Variants in EPHA6 observed in about 807,000 individuals in gnomAD.
EPHA6 encodes the protein ephrin type-A receptor 6.
A neutral mutation model predicts 112.0 loss-of-function variants in EPHA6; 50 were observed. The ratio of observed to expected loss-of-function variants is 0.45; its 90% CI spans 0.36 to 0.56. The LOEUF is 0.56. Among genes scored for constraint, EPHA6 ranks in the 20% least tolerant of loss-of-function variants. The pLI, the probability that EPHA6 is intolerant of heterozygous loss-of-function variation, is 0.00. For missense variants in EPHA6, 1,280 were observed against 1,417.4 expected (o/e 0.90, Z 1.56); for synonymous variants, 529 against 490.7 (o/e 1.08, Z -1.03).
At chr3:97,324,763 C>T (rs1224473200) in intron 5 of EPHA6, among the ~76,000 whole-genome samples, 1 of 151,960 alleles carries the variant, frequency 6.6e-6, no homozygotes, top group African/African-American at 2.4e-5. Flanking sequence ...TGGTCTCAAA[C>T]TCCTGACCTC....
At chr3:96,987,307 A>G (rs1400980183) in intron 2 of EPHA6, 23 bp from the exon 3 acceptor site, 1 of 1,563,238 alleles carries the variant, frequency 6.4e-7, no homozygotes, top group Non-Finnish European at 8.7e-7. Flanking sequence ...AAATCACTTA[A>G]TTACTTTTTT....
intron 11 of EPHA6, among the ~76,000 whole-genome samples, chr3:97,588,562 A>G (rs1330928732): frequency 6.6e-6 from 1 of 152,196 alleles, no homozygotes; most frequent in Non-Finnish European, 1.5e-5. Flanking sequence ...CTTTTCTATG[A>G]GGAGTTTGTA....
chr3:97,460,848 A>G (rs1057110186), intron 7 of EPHA6, among the ~76,000 whole-genome samples: 9 of 151,980 alleles, frequency 5.9e-5, no homozygotes, highest in Non-Finnish European at 1.3e-4. Context: ...GGCTTCCTGT[A>G]CTCCCACATG....
intron 3 of EPHA6, among the ~76,000 whole-genome samples, chr3:97,105,884 A>G (rs2047552663): frequency 2.0e-5 from 3 of 152,118 alleles, no homozygotes; most frequent in Non-Finnish European, 2.9e-5. Flanking sequence ...GTTGAATTGT[A>G]CCTTTTACCA....
chr3:97,669,390 T>A (rs2030541066), intron 14 of EPHA6, among the ~76,000 whole-genome samples: 1 of 152,046 alleles, frequency 6.6e-6, no homozygotes, highest in African/African-American at 2.4e-5. Flanking sequence ...AAATAAGCTT[T>A]TTTGTCATGA....
intron 11 of EPHA6, among the ~76,000 whole-genome samples, chr3:97,555,096 A>G (rs1442409441): frequency 1.3e-5 from 2 of 149,332 alleles, no homozygotes; most frequent in African/African-American, 2.5e-5. Flanking sequence ...CCACCCCACA[A>G]CAGTCCCCAG....
chr3:96,842,074 T>C (rs1205962009), intron 1 of EPHA6, among the ~76,000 whole-genome samples: 2 of 152,096 alleles, frequency 1.3e-5, no homozygotes, highest in Non-Finnish European at 2.9e-5. Flanking sequence ...CTTCTTCAGA[T>C]TCCCTGGTGA....
At chr3:96,909,218 A>G (rs986729958) in intron 2 of EPHA6, among the ~76,000 whole-genome samples, 3 of 151,984 alleles carry the variant, frequency 2.0e-5, no homozygotes, top group African/African-American at 4.8e-5. Flanking sequence ...TTTAAACTAT[A>G]TACTAATTAG....
intron 14 of EPHA6, among the ~76,000 whole-genome samples, chr3:97,719,770 A>C (rs1345585754): frequency 6.6e-6 from 1 of 152,206 alleles, no homozygotes; most frequent in Non-Finnish European, 1.5e-5. Context: ...AGCAGATGTA[A>C]AGCAAACAAA....
intron 2 of EPHA6, among the ~76,000 whole-genome samples, chr3:96,943,917 G>A (rs1161794692): frequency 3.3e-5 from 5 of 152,142 alleles, no homozygotes; most frequent in Admixed American, 6.5e-5. Flanking sequence ...TGAAATGTAA[G>A]ATGAGTTTTG....
At chr3:97,275,489 G>A (rs1323812638) in intron 5 of EPHA6, among the ~76,000 whole-genome samples, 1 of 152,158 alleles carries the variant, frequency 6.6e-6, no homozygotes, top group Non-Finnish European at 1.5e-5. Context: ...ATAATGGGTT[G>A]TGGAGGGAGG....
intron 14 of EPHA6, among the ~76,000 whole-genome samples, chr3:97,645,615 T>C (rs1404053828): frequency 6.6e-6 from 1 of 151,504 alleles, no homozygotes; most frequent in East Asian, 1.9e-4. Flanking sequence ...TGTATACATA[T>C]GTAACTAACC....
chr3:97,527,959 T>C (rs1010536331), intron 10 of EPHA6, among the ~76,000 whole-genome samples: 1 of 152,086 alleles, frequency 6.6e-6, no homozygotes, highest in African/African-American at 2.4e-5. Context: ...CCCTCAGCTA[T>C]CACAGAAGCC....
At chr3:96,961,791 G>C (rs940632028) in intron 2 of EPHA6, among the ~76,000 whole-genome samples, 1 of 152,140 alleles carries the variant, frequency 6.6e-6, no homozygotes, top group East Asian at 1.9e-4. Context: ...TAGGATGTCT[G>C]CTTCCTAGAA....
At chr3:97,454,331 A>G (rs927251899) in intron 7 of EPHA6, among the ~76,000 whole-genome samples, 1 of 151,860 alleles carries the variant, frequency 6.6e-6, no homozygotes, top group Non-Finnish European at 1.5e-5. Flanking sequence ...TTTTACACAT[A>G]GTTAGGTTCC....
intron 2 of EPHA6, among the ~76,000 whole-genome samples, chr3:96,983,559 T>C (rs2042898674): frequency 6.6e-6 from 1 of 152,194 alleles, no homozygotes; most frequent in South Asian, 2.1e-4. Flanking sequence ...AGGAATATCT[T>C]TGTGGCATTC....
chr3:97,240,655 C>T (rs1321339356), intron 4 of EPHA6, among the ~76,000 whole-genome samples: 2 of 151,756 alleles, frequency 1.3e-5, no homozygotes, highest in Non-Finnish European at 2.9e-5. Flanking sequence ...GTTGATGCGA[C>T]AACTGAAATA....
chr3:97,456,763 T>G (rs1049981476), intron 7 of EPHA6, among the ~76,000 whole-genome samples: 5 of 152,188 alleles, frequency 3.3e-5, no homozygotes, highest in Non-Finnish European at 7.4e-5. Context: ...TGATTTTAAT[T>G]TGACTTGATT....
chr3:97,654,239 C>CT (rs1338770126), intron 14 of EPHA6, among the ~76,000 whole-genome samples: 2 of 151,598 alleles, frequency 1.3e-5, no homozygotes, highest in Non-Finnish European at 2.9e-5. Flanking sequence ...AATTTTATAC[C>CT]TTATATATAG....
Sources: allele counts gnomAD v4.1 joint callset (sites outside exome capture counted in the v4.1 genomes callset), GRCh38; gene constraint gnomAD v4.1.1; transcripts MANE v1.5; gene names NCBI Gene and HGNC (gene_info 2026-07-23, HGNC 2026-07-21).